The following POU2AF1 variants were observed in gnomAD, a reference collection of about 807,000 sequenced individuals.
POU2AF1 encodes POU domain class 2-associating factor 1.
In POU2AF1, 12 loss-of-function variants were observed where a neutral mutation model predicts 26.3. The observed-to-expected ratio is 0.46, with a 90% confidence interval of 0.29 to 0.74. The LOEUF is 0.74. Ranked by LOEUF, POU2AF1 falls within the 30% of genes least tolerant of loss-of-function variation. The probability of loss-of-function intolerance (pLI) is 0.09; values close to 1 mark genes in which losing one functional copy is unlikely to be tolerated. For synonymous variants in POU2AF1, 175 were observed against 148.0 expected, an observed-to-expected ratio of 1.18 and a Z score of -1.32; for missense variants, 297 against 334.5, an observed-to-expected ratio of 0.89 and a Z score of 0.87.
chr11:111,355,801 G>T (rs751670966), intron 4 of POU2AF1, among the ~76,000 whole-genome samples: 17 of 152,282 alleles, frequency 1.1e-4, no homozygotes, highest in South Asian at 4.2e-4. Context: ...CCGGGCTGAG[G>T]TGTACACCCC....
intron 1 of POU2AF1, among the ~76,000 whole-genome samples, chr11:111,366,829 T>A (rs1398044909): frequency 2.0e-5 from 3 of 152,122 alleles, no homozygotes; most frequent in Non-Finnish European, 2.9e-5. Context: ...AAAAGTGGTC[T>A]AGGGGCCAAG....
chr11:111,375,694 C>G (rs774707638), intron 1 of POU2AF1, among the ~76,000 whole-genome samples: 1 of 152,142 alleles, frequency 6.6e-6, no homozygotes, highest in Non-Finnish European at 1.5e-5. Context: ...CCACCGCACC[C>G]GGCCTGATAC....
In POU2AF1 at chr11:111,353,915, A is replaced by G. The variant is rs755900929; in HGVS notation, c.*346T>C. The G allele has an allele frequency of 1.7e-5, 5 of 292,522 alleles. No individual in the cohort carries two copies. The highest frequency in any genetic ancestry group is 3.2e-5 in the Non-Finnish European group (5 of 158,236). 18.1% of individuals were successfully genotyped at this position (292,522 alleles called of 1,614,324 possible). A position where few individuals can be genotyped will look rare whatever the true frequency, so the allele number is the denominator to read the frequency against. ...AGCGAGGGAGGGAGGGAGGTAAAGA[A>G]GGAAAGGGAGAAGGGAAGGAGGGAA... On this transcript the variant is annotated 3_prime_UTR_variant, in exon 5 of 5. Transcript: ENST00000393067.
At chr11:111,359,340 T>C (rs1268210467) in intron 1 of POU2AF1, 1 of 230,132 alleles carries the variant, frequency 4.3e-6, no homozygotes, top group Non-Finnish European at 8.6e-6. Context: ...TCTTGATTCT[T>C]GCTGACACAA....
At chr11:111,355,209 G>T (rs1211719880) in intron 4 of POU2AF1, among the ~76,000 whole-genome samples, 1 of 152,214 alleles carries the variant, frequency 6.6e-6, no homozygotes, top group African/African-American at 2.4e-5. Context: ...TCCTGCTGCT[G>T]CCTGGTGCCT....
chr11:111,354,309 A>C lies in POU2AF1; in HGVS notation c.723T>G (p.Asp241Glu), dbSNP rs764165808. 2.5e-5 allele frequency: 40 copies of C among 1,614,116 alleles called. No homozygotes were observed. The African/African-American group carries it at 4.8e-4, about 19-fold the overall frequency. The change falls in exon 5 of 5, where the codon GAT (aspartate) becomes GAG (glutamate). Residue 241 changes from aspartate (D) to glutamate (E), a missense_variant. Coordinates refer to ENST00000393067, the MANE Select transcript of POU2AF1 (RefSeq NM_006235.3). ...TIDKLLLEEE[D>E]SDAYALNHTL... ...TGTGGTTAAGCGCATAGGCGTCGCTATCCTCTTCCTCCAAAAGCAGCTTGT... is the reference window on the plus strand; with the variant it reads ...TGTGGTTAAGCGCATAGGCGTCGCTCTCCTCTTCCTCCAAAAGCAGCTTGT...
rs7949774 is a variant in POU2AF1 at position 111,353,057 on chromosome 11, A to G, written c.*1204T>C. ...AGGAAGGAAGGAAGGAAGGAAGGAA[A>G]GAAACAAAACCCACATGGTAGCACT... On this transcript the variant is annotated 3_prime_UTR_variant, in exon 5 of 5. Transcript: ENST00000393067. The G allele has an allele frequency of 1.7e-3, 306 of 183,906 alleles. 4 individuals carry two copies. The highest frequency in any genetic ancestry group is 0.01 in the African/African-American group (268 of 26,192). 11.4% of individuals were successfully genotyped at this position (183,906 alleles called of 1,614,324 possible). A position where few individuals can be genotyped will look rare whatever the true frequency, so the allele number is the denominator to read the frequency against.
intron 4 of POU2AF1, among the ~76,000 whole-genome samples, chr11:111,356,426 A>G (rs541602139): frequency 1.3e-5 from 2 of 152,192 alleles, no homozygotes; most frequent in Non-Finnish European, 2.9e-5. Context: ...TCAGGATGAC[A>G]CTGGACCCTG....
At position 111,358,619 on chromosome 11, in the gene POU2AF1, G is replaced by C. The variant is rs12275110; in HGVS notation, c.147+169C>G. The stretch of plus-strand genomic sequence containing the variant: ...ACATACACTCTCACACACTGACGCA[G>C]ATACACATTCTCTCTCACACTATCA... On this transcript the variant is annotated intron_variant, in intron 2 of 4. Transcript: ENST00000393067. 0.69 allele frequency among the ~76,000 whole-genome samples: 101,991 copies of C among 147,152 alleles called. 35,429 individuals are homozygous for C. The highest frequency in any genetic ancestry group is 0.79 in the Admixed American group (11,822 of 14,990).
chr11:111,363,973 A>G, intron 1 of POU2AF1: 4 of 985,328 alleles, frequency 4.1e-6, no homozygotes, highest in Non-Finnish European at 4.8e-6. Flanking sequence ...AGTTCACCAT[A>G]TTGCCTTTCT....
chr11:111,367,742 C>A (rs1861132460), intron 1 of POU2AF1, among the ~76,000 whole-genome samples: 1 of 152,218 alleles, frequency 6.6e-6, no homozygotes, highest in Admixed American at 6.5e-5. Flanking sequence ...TGTTGCCCAG[C>A]CAAGAGAGGA....
chr11:111,369,097 C>T (rs972842059), intron 1 of POU2AF1, among the ~76,000 whole-genome samples: 7 of 152,182 alleles, frequency 4.6e-5, no homozygotes, highest in African/African-American at 1.7e-4. Flanking sequence ...CCTCAGGTAC[C>T]TGGAATCCCC....
chr11:111,355,902 T>C (rs541496846), intron 4 of POU2AF1, among the ~76,000 whole-genome samples: 13 of 152,330 alleles, frequency 8.5e-5, no homozygotes, highest in Non-Finnish European at 1.5e-4. Context: ...GAAAGCCTCA[T>C]GATTCCCAGC....
rs1388189563 is a variant in POU2AF1 at position 111,352,850 on chromosome 11, C to G, written c.*1411G>C. 5.8e-6 allele frequency: 1 copy of G among 173,432 alleles called. No homozygotes were observed. The highest frequency in any genetic ancestry group is 6.4e-5 in the Admixed American group (1 of 15,680). 10.7% of individuals were successfully genotyped at this position (173,432 alleles called of 1,614,324 possible). A position where few individuals can be genotyped will look rare whatever the true frequency, so the allele number is the denominator to read the frequency against. ...TCGGGAGGCTCAGGCAGGAGAATCA[C>G]TTGAACTTGGGAGACAGAGGTGCAG... On this transcript the variant is annotated 3_prime_UTR_variant, in exon 5 of 5. Transcript: ENST00000393067.
chr11:111,364,020 G>GA (rs1011972963), intron 1 of POU2AF1: 130 of 979,382 alleles, frequency 1.3e-4, no homozygotes, highest in East Asian at 2.3e-4. Flanking sequence ...GTTTGAGGGG[G>GA]AAAAAAAATC....
Position 111,359,840 on chromosome 11 carries a change from A to AT in POU2AF1, c.17-923dup, listed in dbSNP as rs1860970846. 3 of 456,734 alleles carry AT rather than the reference A, an allele frequency of 6.6e-6. No individual in the cohort carries two copies. In the Admixed American group the frequency reaches 6.7e-5, roughly 10 times the overall value. 28.3% of individuals were successfully genotyped at this position (456,734 alleles called of 1,614,324 possible). A position where few individuals can be genotyped will look rare whatever the true frequency, so the allele number is the denominator to read the frequency against. On this transcript the variant is annotated intron_variant, in intron 1 of 4. Transcript: ENST00000393067. ...TTTTAAGCTCAGTTGATACTTATTGATTAATCGATTGGGTGATTCTTTAAG... is the reference window on the plus strand; with the variant it reads ...TTTTAAGCTCAGTTGATACTTATTGATTTAATCGATTGGGTGATTCTTTAAG...
chr11:111,354,649 G>T (rs951090518), intron 4 of POU2AF1, 74 bp from the exon 5 acceptor site: 2 of 1,267,906 alleles, frequency 1.6e-6, no homozygotes. Flanking sequence ...CCCTTAGAGG[G>T]GTCTCCATCT....
chr11:111,355,684 A>G (rs1251705268), intron 4 of POU2AF1, among the ~76,000 whole-genome samples: 1 of 152,158 alleles, frequency 6.6e-6, no homozygotes, highest in Admixed American at 6.6e-5. Flanking sequence ...GGGGACTCCA[A>G]TGTGGCCAGT....
intron 1 of POU2AF1, among the ~76,000 whole-genome samples, chr11:111,365,931 T>C (rs1861097471): frequency 6.6e-6 from 1 of 152,226 alleles, no homozygotes; most frequent in Non-Finnish European, 1.5e-5. Flanking sequence ...CAAGGACTTC[T>C]AGAGAACATT....
Sources: gnomAD v4.1 joint callset for allele counts (sites outside exome capture counted in the v4.1 genomes callset) on GRCh38, gnomAD v4.1.1 for gene constraint, MANE v1.5 for transcripts, NCBI Gene and HGNC (gene_info 2026-07-23, HGNC 2026-07-21) for gene names.